The following PCDHGB5 variants were observed in gnomAD, a reference collection of about 807,000 sequenced individuals.
PCDHGB5 encodes protocadherin gamma-B5.
A neutral mutation model predicts 62.9 loss-of-function variants in PCDHGB5; 48 were observed. The observed-to-expected ratio is 0.76, with a 90% CI of 0.61 to 0.97. The LOEUF is 0.97. Ranked by LOEUF, PCDHGB5 falls within the 50% of genes least tolerant of loss-of-function variation. PCDHGB5 has a pLI of 0.00. For synonymous variants in PCDHGB5, 474 were observed against 511.2 expected (o/e 0.93, Z 0.98); for missense variants, 1,118 against 1,198.6 (o/e 0.93, Z 0.99).
At chr5:141,458,064 C>G (rs886724551) in intron 1 of PCDHGB5, among the ~76,000 whole-genome samples, 1 of 152,104 alleles carries the variant, frequency 6.6e-6, no homozygotes, top group Admixed American at 6.6e-5. Flanking sequence ...TGCACTGATG[C>G]GAACAACTAT....
chr5:141,400,138 A>T lies in PCDHGB5; in HGVS notation c.2011A>T (p.Ile671Phe). ...ADSLQEVLPD[I>F]TDRPVPSDPQ... Reference sequence around the variant, plus strand: ...CAGCTTGCAGGAGGTGCTGCCGGATATCACTGACCGCCCTGTACCCTCTGA... The same window carrying T: ...CAGCTTGCAGGAGGTGCTGCCGGATTTCACTGACCGCCCTGTACCCTCTGA... Residue 671 changes from isoleucine to phenylalanine, a missense_variant, in exon 1 of 4, where the codon ATC (isoleucine) becomes TTC (phenylalanine). By Grantham distance (21) the Ile-to-Phe change is conservative. This residue lies in a region of PCDHGB5 where 1,034 missense variants were observed against 1,029.1 expected (regional missense o/e 1.00). Coordinates refer to ENST00000617380, the MANE Select transcript of PCDHGB5 (RefSeq NM_018925.3). 6.2e-7 allele frequency: 1 copy of T among 1,614,046 alleles called. No homozygotes were observed. The highest frequency in any genetic ancestry group is 8.5e-7 in the Non-Finnish European group (1 of 1,179,896).
Position 141,505,473 on chromosome 5 carries a change from C to T in PCDHGB5, c.2537C>T (p.Ser846Phe). The change falls in exon 3 of 4, where the codon TCC (serine) becomes TTC (phenylalanine). Residue 846 changes from serine to phenylalanine, a missense_variant. Transcript: ENST00000617380. Reference sequence around the variant, plus strand: ...ATGCTGCAAGCCATGATCTTGGCGTCCGCCAGTGGTAAGTGGTGTCAGTGT... The same window carrying T: ...ATGCTGCAAGCCATGATCTTGGCGTTCGCCAGTGGTAAGTGGTGTCAGTGT... ...TEMLQAMILA[S>F]ASEAADGSST... is the part of the protein sequence containing the mutation. The T allele has an allele frequency of 6.2e-7, 1 of 1,614,188 alleles. No homozygotes were observed. Among genetic ancestry groups the T allele is most frequent in the Non-Finnish European group, 8.5e-7 (1 of 1,180,014 alleles).
Position 141,431,605 on chromosome 5 carries a change from G to A in PCDHGB5, c.2397+31081G>A. ...ATGCGGAAGTGAGGTATTCCTTCCGGTATGTGGACGACAAGGCGGCCCAAG... is the reference window on the plus strand; with the variant it reads ...ATGCGGAAGTGAGGTATTCCTTCCGATATGTGGACGACAAGGCGGCCCAAG... On this transcript the variant is annotated intron_variant, in intron 1 of 3. Transcript: ENST00000617380. This position sits in a 1 kb window ranked among gnomAD's most constrained non-coding sequence, Gnocchi z 4.8. 2 of 1,614,236 alleles carry A rather than the reference G, an allele frequency of 1.2e-6. No individual in the cohort carries two copies. The highest frequency in any genetic ancestry group is 1.7e-6 in the Non-Finnish European group (2 of 1,180,044).
chr5:141,398,933 A>C lies in PCDHGB5; in HGVS notation c.806A>C (p.Gln269Pro). 2 of 1,614,010 alleles carry C rather than the reference A, an allele frequency of 1.2e-6. No individual in the cohort carries two copies. The highest frequency in any genetic ancestry group is 1.7e-6 in the Non-Finnish European group (2 of 1,179,910). ...GTGTTGCAAGTGTCAGCCACTGACCAAGACGAGGGCATCAACTCAGAAATT... is the reference window on the plus strand; with the variant it reads ...GTGTTGCAAGTGTCAGCCACTGACCCAGACGAGGGCATCAACTCAGAAATT... Reference protein sequence around the residue: ...TTVLQVSATDQDEGINSEITY... With the variant: ...TTVLQVSATDPDEGINSEITY... The change falls in exon 1 of 4, where the codon CAA becomes CCA. Residue 269 changes from glutamine (Q) to proline (P), a missense_variant. By Grantham distance (76) the Gln-to-Pro change is moderately conservative. Coordinates refer to ENST00000617380, the MANE Select transcript of PCDHGB5 (RefSeq NM_018925.3).
At position 141,511,563 on chromosome 5, in the gene PCDHGB5, C is replaced by T. The variant is rs911782127; in HGVS notation, c.*390C>T. ...CCCCACTCCAACAGTTCCTCTTTCCCGAGTAAGGTGGTTGGGGTGTTGAAG... is the reference window on the plus strand; with the variant it reads ...CCCCACTCCAACAGTTCCTCTTTCCTGAGTAAGGTGGTTGGGGTGTTGAAG... On this transcript the variant is annotated 3_prime_UTR_variant, in exon 4 of 4. Coordinates refer to ENST00000617380, the MANE Select transcript of PCDHGB5 (RefSeq NM_018925.3). The T allele has an allele frequency of 7.8e-5, 23 of 295,048 alleles. No homozygotes were observed. The highest frequency in any genetic ancestry group is 3.4e-4 in the African/African-American group (16 of 46,532). The allele number at this position is 295,048 out of a possible 1,614,324, so 18.3% of individuals were successfully genotyped here. A position where few individuals can be genotyped will look rare whatever the true frequency, so the allele number is the denominator to read the frequency against.
intron 1 of PCDHGB5, chr5:141,441,330 C>T (rs919906372): frequency 8.5e-5 from 13 of 152,170 alleles, no homozygotes; most frequent in Admixed American, 1.3e-4. Context: ...AATCTTCCTC[C>T]AATAATTAAC....
intron 1 of PCDHGB5, chr5:141,430,824 C>T: frequency 6.5e-7 from 1 of 1,547,704 alleles, no homozygotes; most frequent in Non-Finnish European, 8.7e-7. Flanking sequence ...CTCCTGGGGA[C>T]TCTGTGGGAG....
intron 1 of PCDHGB5, among the ~76,000 whole-genome samples, chr5:141,458,829 C>T (rs2098954599): frequency 6.6e-6 from 1 of 152,108 alleles, no homozygotes; most frequent in Non-Finnish European, 1.5e-5. Context: ...GCCTCCCAGG[C>T]TCAAGTGATC....
intron 1 of PCDHGB5, chr5:141,408,124 G>A: frequency 1.4e-6 from 2 of 1,478,862 alleles, no homozygotes; most frequent in Non-Finnish European, 1.8e-6. Context: ...CCTGTCCTGG[G>A]CCGAATGCTC....
At position 141,476,761 on chromosome 5, in the gene PCDHGB5, G is replaced by C. The variant is rs1293828206; in HGVS notation, c.2398-18046G>C. ...AGCCTAGTCTCCAGTTAGTGCTGAC[G>C]GCGTTGGACGGAGGGACCCCAGCTC... On this transcript the variant is annotated intron_variant, in intron 1 of 3. Transcript: ENST00000617380. This position sits in a 1 kb window ranked among gnomAD's most constrained non-coding sequence, Gnocchi z 7.6. 6.2e-7 allele frequency: 1 copy of C among 1,613,734 alleles called. No individual in the cohort carries two copies. Among genetic ancestry groups the C allele is most frequent in the East Asian group, 2.2e-5 (1 of 44,884 alleles).
chr5:141,472,556 T>A (rs2099287889), intron 1 of PCDHGB5, among the ~76,000 whole-genome samples: 1 of 151,628 alleles, frequency 6.6e-6, no homozygotes, highest in South Asian at 2.1e-4. Flanking sequence ...AAAAAAATTA[T>A]ATTATAAATG....
intron 1 of PCDHGB5, chr5:141,420,103 G>C (rs754672450): frequency 4.3e-6 from 7 of 1,613,990 alleles, no homozygotes; most frequent in Non-Finnish European, 2.5e-6. Context: ...AGGGAACGTT[G>C]CCCTATGCCT....
intron 1 of PCDHGB5, chr5:141,478,308 T>A: frequency 6.2e-7 from 1 of 1,614,050 alleles, no homozygotes; most frequent in Non-Finnish European, 8.5e-7. Context: ...CGAGCCCCGG[T>A]GAGCTCACTG....
Position 141,485,932 on chromosome 5 carries a change from G to A in PCDHGB5, c.2398-8875G>A. ...CCAGCTACAGGATTAGTGTGTTGGA[G>A]AGCGCACCAGCGGGCATGGTGCTCA... On this transcript the variant is annotated intron_variant, in intron 1 of 3. Transcript: ENST00000617380. The surrounding 1 kb of genome is among the most constrained non-coding windows in gnomAD (Gnocchi z 5.7). The A allele has an allele frequency of 6.2e-7, 1 of 1,614,184 alleles. No homozygotes were observed. The highest frequency in any genetic ancestry group is 8.5e-7 in the Non-Finnish European group (1 of 1,180,042).
chr5:141,430,881 A>G, intron 1 of PCDHGB5: 4 of 1,600,896 alleles, frequency 2.5e-6, no homozygotes, highest in Non-Finnish European at 3.4e-6. Flanking sequence ...GAGCTGGAGA[A>G]AGGCTCTAGG....
intron 1 of PCDHGB5, chr5:141,416,540 G>T (rs1439132249): frequency 6.6e-6 from 1 of 151,974 alleles, no homozygotes; most frequent in Non-Finnish European, 1.5e-5. Flanking sequence ...GTATAAGGAG[G>T]CAAACACCTG....
intron 1 of PCDHGB5, among the ~76,000 whole-genome samples, chr5:141,401,414 A>G (rs539285035): frequency 1.3e-5 from 2 of 152,350 alleles, no homozygotes; most frequent in African/African-American, 4.8e-5. Flanking sequence ...AGAGAAAGAG[A>G]GAGACTGATT....
chr5:141,511,062 C>T lies in PCDHGB5; in HGVS notation c.2661C>T (p.Tyr887=), dbSNP rs775583963. The change falls in exon 4 of 4, where the codon TAC becomes TAT. Residue 887 remains tyrosine, a synonymous_variant. Transcript: ENST00000617380. ...TGCCCGACTACCGCCAGAATGTCTACATCCCAGGCAGCAATGCCACACTGA... is the reference window on the plus strand; with the variant it reads ...TGCCCGACTACCGCCAGAATGTCTATATCCCAGGCAGCAATGCCACACTGA... ...QHVPDYRQNV[Y]IPGSNATLTN... The T allele has an allele frequency of 6.2e-7, 1 of 1,614,246 alleles. No homozygotes were observed. The highest frequency in any genetic ancestry group is 1.3e-5 in the African/African-American group (1 of 75,064).
rs778744503 is a variant in PCDHGB5, at chr5:141,511,152, G to A, written c.2751G>A (p.Ser917=). Residue 917 remains serine (S), a synonymous_variant, in exon 4 of 4, where the codon TCG becomes TCA. Transcript: ENST00000617380. The part of the protein sequence containing the change: ...PAGGNGNKKK[S]GKKEKK ...GTGGCAATGGCAACAAGAAGAAGTCGGGCAAGAAGGAGAAGAAGTAACATG... is the reference window on the plus strand; with the variant it reads ...GTGGCAATGGCAACAAGAAGAAGTCAGGCAAGAAGGAGAAGAAGTAACATG... The A allele has an allele frequency of 2.0e-5, 32 of 1,614,022 alleles. No individual in the cohort carries two copies. Among genetic ancestry groups the A allele is most frequent in the South Asian group, 4.4e-5 (4 of 91,090 alleles).
Sources: gnomAD v4.1 joint callset for allele counts (sites outside exome capture counted in the v4.1 genomes callset) on GRCh38, gnomAD v4.1.1 for gene constraint, gnomAD v4.1.1 regional missense constraint, Gnocchi (gnomAD v3.1) non-coding constraint, MANE v1.5 for transcripts, NCBI Gene and HGNC (gene_info 2026-07-23, HGNC 2026-07-21) for gene names.